The following TMEM255B variants were observed in gnomAD, a reference collection of about 807,000 sequenced individuals.
TMEM255B encodes transmembrane protein 255B, also known as family with sequence similarity 70, member B.
In TMEM255B, 35 loss-of-function variants were observed where a neutral mutation model predicts 34.5. That is an observed-to-expected ratio of 1.01 (90% CI 0.77 to 1.34). The LOEUF is 1.34. Ranked by LOEUF, TMEM255B falls within the 40% of genes most tolerant of loss-of-function variation. The pLI, the probability that TMEM255B is intolerant of heterozygous loss-of-function variation, is 0.00. For missense variants in TMEM255B, 432 were observed against 433.2 expected (o/e 1.00, Z 0.02); for synonymous variants, 206 against 201.2 (o/e 1.02, Z -0.20).
chr13:113,796,410 CCACA>C (rs570627131), intron 4 of TMEM255B, among the ~76,000 whole-genome samples: 2 of 60,924 alleles, frequency 3.3e-5, no homozygotes, highest in African/African-American at 7.2e-5. Flanking sequence ...ACCTCACACA[CCACA>C]CAGAGCACAC....
chr13:113,768,170 G>A (rs1400809401), intron 2 of TMEM255B: 4 of 469,036 alleles, frequency 8.5e-6, no homozygotes, highest in South Asian at 1.6e-5. Context: ...TGGGAAGTGC[G>A]ACCGGCCCGG....
chr13:113,782,614 G>A (rs893666109), intron 3 of TMEM255B, among the ~76,000 whole-genome samples: 13 of 147,010 alleles, frequency 8.8e-5, no homozygotes, highest in Non-Finnish European at 1.2e-4. Context: ...CAGGATCCGG[G>A]CACCCTCAGT....
intron 3 of TMEM255B, among the ~76,000 whole-genome samples, chr13:113,779,643 A>G (rs772346135): frequency 6.6e-6 from 1 of 152,258 alleles, no homozygotes. Context: ...GCGTAGAGGG[A>G]GCGTCTGCTG....
At chr13:113,765,106 T>C (rs1366962704) in intron 1 of TMEM255B, among the ~76,000 whole-genome samples, 1 of 152,038 alleles carries the variant, frequency 6.6e-6, no homozygotes, top group Non-Finnish European at 1.5e-5. Context: ...TTGGGACAAG[T>C]GTATCTTTGC....
rs73566105 is a variant in TMEM255B, at chr13:113,802,101, C to T, written c.669+289C>T. On this transcript the variant is annotated intron_variant, in intron 7 of 8. Transcript: ENST00000375353. ...GTTCAGCTCCAAGAGGGAGGCCCAG[C>T]CCTTGTGCACTAAGCTCCCATCATT... Among the ~76,000 whole-genome samples, 492 of 152,368 alleles carry T rather than the reference C, an allele frequency of 3.2e-3. 6 individuals carry two copies. The highest frequency in any genetic ancestry group is 0.011 in the African/African-American group (478 of 41,592).
Position 113,759,307 on chromosome 13 carries a change from A to ACC in TMEM255B, c.41_42dup (p.Ala15ProfsTer26). ...GTGCCCGGGCCCCTGGGCCTGCTGG[A>ACC]CCCCGCAGGTGAGCGCGGGGCTGGG... is the stretch of plus-strand genomic sequence containing the variant. On this transcript the variant is annotated frameshift_variant, in exon 1 of 9. Coordinates refer to ENST00000375353, the MANE Select transcript of TMEM255B (RefSeq NM_182614.4). LOFTEE classifies it high-confidence loss of function. 8.1e-7 allele frequency: 1 copy of ACC among 1,229,142 alleles called. No individual in the cohort carries two copies. Among genetic ancestry groups the ACC allele is most frequent in the Non-Finnish European group, 1.0e-6 (1 of 986,422 alleles). The allele number at this position is 1,229,142 out of a possible 1,614,324, so 76.1% of individuals were successfully genotyped here.
intron 3 of TMEM255B, among the ~76,000 whole-genome samples, chr13:113,778,748 C>G (rs2050620943): frequency 2.6e-5 from 4 of 152,180 alleles, no homozygotes. Context: ...CTGGGTGAGT[C>G]CGGATTTCAC....
At chr13:113,800,342 T>TGTGTGTGTGTGTG (rs1236534768) in intron 5 of TMEM255B, among the ~76,000 whole-genome samples, 6 of 134,828 alleles carry the variant, frequency 4.5e-5, no homozygotes, top group East Asian at 2.1e-4. Context: ...TGTGTGTGTG[T>TGTGTGTGTGTGTG]TGGGGGGTGT....
intron 3 of TMEM255B, among the ~76,000 whole-genome samples, chr13:113,775,567 G>A (rs1206916732): frequency 1.3e-5 from 2 of 152,120 alleles, no homozygotes; most frequent in Non-Finnish European, 2.9e-5. Flanking sequence ...CCACGGCCCC[G>A]AGTAGGTCCC....
chr13:113,794,754 G>C (rs1426596002), intron 3 of TMEM255B, among the ~76,000 whole-genome samples: 1 of 152,250 alleles, frequency 6.6e-6, no homozygotes, highest in Non-Finnish European at 1.5e-5. Context: ...AGGAAAAGCA[G>C]GTTGTGCGAC....
chr13:113,799,597 G>C, intron 5 of TMEM255B, 178 bp downstream of exon 5: 1 of 645,730 alleles, frequency 1.5e-6, no homozygotes, highest in Non-Finnish European at 2.8e-6. Flanking sequence ...ACATTTCGAT[G>C]TGCTGTATTT....
At chr13:113,766,740 A>G (rs1432953821) in intron 2 of TMEM255B, among the ~76,000 whole-genome samples, 3 of 152,226 alleles carry the variant, frequency 2.0e-5, no homozygotes, top group Non-Finnish European at 4.4e-5. Context: ...GATTCCTACC[A>G]AGAAGCCGTG....
At chr13:113,803,702 C>T (rs1481714903) in intron 7 of TMEM255B, among the ~76,000 whole-genome samples, 1 of 152,190 alleles carries the variant, frequency 6.6e-6, no homozygotes, top group Non-Finnish European at 1.5e-5. Context: ...CCCACCTCGG[C>T]TGCCCCCCTG....
At chr13:113,793,236 A>G (rs1254194467) in intron 3 of TMEM255B, among the ~76,000 whole-genome samples, 1 of 152,146 alleles carries the variant, frequency 6.6e-6, no homozygotes, top group Non-Finnish European at 1.5e-5. Context: ...CCACTGGGAG[A>G]CAGAGCTCAG....
At chr13:113,803,905 T>C (rs2051111828) in intron 7 of TMEM255B, among the ~76,000 whole-genome samples, 1 of 151,756 alleles carries the variant, frequency 6.6e-6, no homozygotes, top group African/African-American at 2.4e-5. Flanking sequence ...GTCCCGGGGT[T>C]TTCACCGTGT....
chr13:113,787,554 G>A (rs2050765093), intron 3 of TMEM255B, among the ~76,000 whole-genome samples: 1 of 152,060 alleles, frequency 6.6e-6, no homozygotes, highest in Admixed American at 6.5e-5. Flanking sequence ...CGACCATGTG[G>A]GGAGCCCCTG....
intron 8 of TMEM255B, among the ~76,000 whole-genome samples, chr13:113,810,587 A>G (rs2051279867): frequency 6.6e-6 from 1 of 152,178 alleles, no homozygotes; most frequent in African/African-American, 2.4e-5. Context: ...CTTCAGGTGC[A>G]CAACCACAGG....
At position 113,811,716 on chromosome 13, in the gene TMEM255B, GC is replaced by G; in HGVS notation, c.814-17del. 1 of 1,612,874 alleles carries G rather than the reference GC, an allele frequency of 6.2e-7. No homozygotes were observed. Among genetic ancestry groups the G allele is most frequent in the Non-Finnish European group, 8.5e-7 (1 of 1,179,652 alleles). On this transcript the variant is annotated intron_variant, in intron 8 of 8. Transcript: ENST00000375353. ...GGGTGGTCTCACCTGCTAACCCAGG[GC>G]CCTCTCTGTTTATTGCAGCCCTGCA... is the stretch of plus-strand genomic sequence containing the variant.
At chr13:113,805,350 G>T (rs2051151873) in intron 8 of TMEM255B, among the ~76,000 whole-genome samples, 1 of 152,216 alleles carries the variant, frequency 6.6e-6, no homozygotes, top group African/African-American at 2.4e-5. Flanking sequence ...TCTGCTGGTG[G>T]ACATCCTGTG....
Sources: gnomAD v4.1 joint callset for allele counts (sites outside exome capture counted in the v4.1 genomes callset) on GRCh38, gnomAD v4.1.1 for gene constraint, MANE v1.5 for transcripts, NCBI Gene and HGNC (gene_info 2026-07-23, HGNC 2026-07-21) for gene names.